Variants in DST observed in about 807,000 individuals in gnomAD.
The protein encoded by DST is bullous pemphigoid antigen.
DST carries 253 observed loss-of-function variants against 875.2 expected under a neutral mutation model. The observed-to-expected ratio is 0.29, with a 90% CI of 0.26 to 0.32. The LOEUF is 0.32. Ranked by LOEUF, DST falls within the 10% of genes least tolerant of loss-of-function variation. The pLI is 1.00. For missense variants in DST, 8,287 were observed against 9,111.6 expected (o/e 0.91, Z 3.68); for synonymous variants, 3,124 against 3,197.1 (o/e 0.98, Z 0.77).
rs371566291 is a variant in DST, at chr6:56,489,700, T to C, written c.20758-91A>G. On this transcript the variant is annotated intron_variant, in intron 85 of 103. Transcript: ENST00000680361. ...GTTTTAAGACAGAGATTAATAGTGA[T>C]GAAAATCCTGAAAATTATTATTTCA... 27 of 1,123,734 alleles carry C rather than the reference T, an allele frequency of 2.4e-5. No individual in the cohort carries two copies. In the East Asian group the frequency reaches 4.8e-4, roughly 20 times the overall value. The allele number at this position is 1,123,734 out of a possible 1,614,324, so 69.6% of individuals were successfully genotyped here.
At chr6:56,704,738 C>A (rs1186878241) in intron 5 of DST, among the ~76,000 whole-genome samples, 1 of 152,118 alleles carries the variant, frequency 6.6e-6, no homozygotes, top group Non-Finnish European at 1.5e-5. Context: ...TTTTCACCCC[C>A]GCAGTTGATC....
intron 2 of DST, among the ~76,000 whole-genome samples, chr6:56,911,882 C>T (rs929072135): frequency 6.6e-6 from 1 of 152,126 alleles, no homozygotes; most frequent in Admixed American, 6.6e-5. Flanking sequence ...CTTTCCTGGT[C>T]GACCTCTGAA....
chr6:56,642,803 CGAT>C (rs752402139), intron 15 of DST: 21 of 1,613,478 alleles, frequency 1.3e-5, no homozygotes, highest in Non-Finnish European at 1.8e-5. Context: ...ATTCCTGAAA[CGAT>C]GTTCTTTCTT....
chr6:56,695,126 CAAAAAAAAAAA>C (rs34456344), intron 9 of DST, among the ~76,000 whole-genome samples: 2 of 70,096 alleles, frequency 2.9e-5, no homozygotes, highest in African/African-American at 5.5e-5. Context: ...GACTCCCTCT[CAAAAAAAAAAA>C]AAAAAAAAAA....
intron 90 of DST, 28 bp downstream of exon 90, chr6:56,482,022 C>T (rs756455290): frequency 5.0e-6 from 8 of 1,603,534 alleles, no homozygotes; most frequent in Non-Finnish European, 4.3e-6. Flanking sequence ...TCTAATTTAG[C>T]TTTACATAGC....
intron 4 of DST, among the ~76,000 whole-genome samples, chr6:56,753,037 C>T (rs1359583999): frequency 2.0e-5 from 3 of 152,088 alleles, no homozygotes; most frequent in East Asian, 1.9e-4. Context: ...GTGGTCCACC[C>T]GCCTCGGCCT....
intron 4 of DST, among the ~76,000 whole-genome samples, chr6:56,847,002 CAAAAAAAAAAAA>C (rs569665465): frequency 1.9e-4 from 10 of 51,982 alleles, no homozygotes; most frequent in African/African-American, 4.7e-4. Context: ...GACCCTGTCT[CAAAAAAAAAAAA>C]AAAAAAAAAA....
chr6:56,567,063 G>T (rs1216195690), intron 55 of DST, among the ~76,000 whole-genome samples: 1 of 152,066 alleles, frequency 6.6e-6, no homozygotes, highest in Admixed American at 6.6e-5. Flanking sequence ...ACCTAACTGT[G>T]GGAACCAAAC....
intron 3 of DST, among the ~76,000 whole-genome samples, chr6:56,860,914 T>G (rs1770800171): frequency 6.6e-6 from 1 of 152,196 alleles, no homozygotes; most frequent in African/African-American, 2.4e-5. Context: ...CATATCTTTC[T>G]GTAATTCAGA....
intron 4 of DST, among the ~76,000 whole-genome samples, chr6:56,812,291 C>T (rs2099761362): frequency 6.6e-6 from 1 of 151,984 alleles, no homozygotes; most frequent in Admixed American, 6.6e-5. Context: ...ACTGAAATCA[C>T]TCCCTTAAAA....
At chr6:56,524,008 A>T (rs528209797) in intron 69 of DST, among the ~76,000 whole-genome samples, 4 of 152,140 alleles carry the variant, frequency 2.6e-5, no homozygotes, top group Non-Finnish European at 5.9e-5. Flanking sequence ...ATACGTGGCT[A>T]ATGTCCAGGT....
Position 56,555,564 on chromosome 6 carries a change from T to A in DST, c.14917A>T (p.Ser4973Cys). The A allele has an allele frequency of 6.2e-7, 1 of 1,614,052 alleles. No individual in the cohort carries two copies. ...LSDLDNKLSS[S>C]LAVSTHPDAM... is the part of the protein sequence containing the mutation. Reference sequence around the variant, plus strand: ...TCAGGGTGCGTGCTCACAGCCAGACTGCTGCTGAGTTTATTATCCAAGTCA... The same window carrying A: ...TCAGGGTGCGTGCTCACAGCCAGACAGCTGCTGAGTTTATTATCCAAGTCA... The change falls in exon 60 of 104, where the codon AGT (serine) becomes TGT (cysteine). Residue 4973 changes from serine (S) to cysteine (C), a missense_variant. Coordinates refer to ENST00000680361, the MANE Select transcript of DST (RefSeq NM_001374736.1).
intron 4 of DST, among the ~76,000 whole-genome samples, chr6:56,744,017 C>T (rs946449283): frequency 6.6e-6 from 1 of 151,966 alleles, no homozygotes; most frequent in African/African-American, 2.4e-5. Context: ...GGCATGGTGA[C>T]AGGCACCTGT....
intron 5 of DST, among the ~76,000 whole-genome samples, chr6:56,722,519 G>C (rs1044029399): frequency 6.6e-6 from 1 of 152,098 alleles, no homozygotes; most frequent in Non-Finnish European, 1.5e-5. Context: ...GAGTAGCTGG[G>C]ATTACAGGTG....
Position 56,625,198 on chromosome 6 carries a change from G to A in DST, c.4789C>T (p.Arg1597Cys), listed in dbSNP as rs371741067. The change falls in exon 35 of 104, where the codon CGC (arginine) becomes TGC (cysteine). Residue 1597 changes from arginine to cysteine, a missense_variant. Arg to Cys is a radical substitution (Grantham distance 180). Around this residue, in one of 10 missense-constraint regions of DST, gnomAD observed 3,138 missense variants for 3,116.6 expected, o/e 1.01. Coordinates refer to ENST00000680361, the MANE Select transcript of DST (RefSeq NM_001374736.1). ...TCTGCTGAACTCTGCATTCTTCGGCGTTTCACTGGAGATTTTTGTTGTGAA... is the reference window on the plus strand; with the variant it reads ...TCTGCTGAACTCTGCATTCTTCGGCATTTCACTGGAGATTTTTGTTGTGAA... ...VDSQQKSPVK[R>C]RRMQSSADLI... The A allele has an allele frequency of 8.2e-5, 132 of 1,613,196 alleles. 1 individual carries two copies. The highest frequency in any genetic ancestry group is 2.9e-4 in the East Asian group (13 of 44,832).
intron 3 of DST, among the ~76,000 whole-genome samples, chr6:56,896,955 G>A (rs568547921): frequency 3.4e-4 from 52 of 152,314 alleles, no homozygotes; most frequent in African/African-American, 1.3e-3. Flanking sequence ...TCATGCAAAA[G>A]CTCTTTAGTT....
At position 56,607,562 on chromosome 6, in the gene DST, T is replaced by C. The variant is rs1332364571; in HGVS notation, c.7066A>G (p.Ser2356Gly). The C allele has an allele frequency of 1.2e-6, 2 of 1,611,188 alleles. No individual in the cohort carries two copies. The highest frequency in any genetic ancestry group is 1.1e-5 in the South Asian group (1 of 90,814). Residue 2356 changes from serine to glycine, a missense_variant, in exon 40 of 104, where the codon AGC becomes GGC. Physicochemically the swap from Ser to Gly is moderately conservative, Grantham distance 56. This residue lies in a region of DST where 3,138 missense variants were observed against 3,116.6 expected (regional missense o/e 1.01). Transcript: ENST00000680361. ...TTTTCAGAGTCACTTCTAAGCATGCTAATGTCTGCAAGTTCAGTCTGTGTT... is the reference window on the plus strand; with the variant it reads ...TTTTCAGAGTCACTTCTAAGCATGCCAATGTCTGCAAGTTCAGTCTGTGTT... Reference protein sequence around the residue: ...YLTQTELADISMLRSDSENIL... With the variant: ...YLTQTELADIGMLRSDSENIL...
intron 87 of DST, among the ~76,000 whole-genome samples, chr6:56,485,801 T>G (rs2095539147): frequency 6.6e-6 from 1 of 152,170 alleles, no homozygotes; most frequent in African/African-American, 2.4e-5. Context: ...AAACTTGACA[T>G]TTTTTGGTAT....
chr6:56,575,492 T>C (rs1006975998), intron 50 of DST, among the ~76,000 whole-genome samples: 3 of 152,058 alleles, frequency 2.0e-5, no homozygotes, highest in Non-Finnish European at 2.9e-5. Context: ...GTAAAATGAG[T>C]GACCTGTTCA....
Sources: allele counts gnomAD v4.1 joint callset (sites outside exome capture counted in the v4.1 genomes callset), GRCh38; gene constraint gnomAD v4.1.1; regional missense constraint gnomAD v4.1.1; transcripts MANE v1.5; gene names NCBI Gene and HGNC (gene_info 2026-07-23, HGNC 2026-07-21).